The following GRIK2 variants were observed in gnomAD, a reference collection of about 807,000 sequenced individuals.
The protein encoded by GRIK2 is glutamate receptor ionotropic, kainate 2.
A neutral mutation model predicts 100.3 loss-of-function variants in GRIK2; 32 were observed. That is an observed-to-expected ratio of 0.32 (90% CI 0.24 to 0.43). The LOEUF (loss-of-function observed/expected upper bound fraction) is 0.43. Ranked by LOEUF, GRIK2 falls within the 20% of genes least tolerant of loss-of-function variation. The probability of loss-of-function intolerance (pLI) is 1.00; values close to 1 mark genes in which losing one functional copy is unlikely to be tolerated. For synonymous variants in GRIK2, 417 were observed against 389.4 expected (o/e 1.07, Z -0.83); for missense variants, 843 against 1,114.9 (o/e 0.76, Z 3.47).
At chr6:101,510,779 C>T (rs1441195408) in intron 2 of GRIK2, among the ~76,000 whole-genome samples, 2 of 151,822 alleles carry the variant, frequency 1.3e-5, no homozygotes, top group African/African-American at 4.8e-5. Flanking sequence ...GCCTCAGCCT[C>T]CCAAAGTGCT....
chr6:101,760,845 G>T (rs1037497597), intron 7 of GRIK2, among the ~76,000 whole-genome samples: 3 of 148,832 alleles, frequency 2.0e-5, no homozygotes, highest in Non-Finnish European at 3.0e-5. Flanking sequence ...TACAATCTAT[G>T]AAAAGTTAAC....
intron 2 of GRIK2, among the ~76,000 whole-genome samples, chr6:101,399,691 C>T (rs1454969421): frequency 6.6e-6 from 1 of 152,210 alleles, no homozygotes; most frequent in Non-Finnish European, 1.5e-5. Flanking sequence ...AGCCGCCACT[C>T]CCGCCTGTCT....
chr6:102,022,215 CTG>C (rs1301419789), intron 14 of GRIK2, among the ~76,000 whole-genome samples: 1 of 150,440 alleles, frequency 6.6e-6, no homozygotes, highest in East Asian at 2.0e-4. Flanking sequence ...ATACATATAA[CTG>C]TGTAGTATTT....
chr6:101,904,485 T>A (rs1242156709), intron 12 of GRIK2, among the ~76,000 whole-genome samples: 1 of 151,498 alleles, frequency 6.6e-6, no homozygotes, highest in Non-Finnish European at 1.5e-5. Context: ...AGTCATTTAA[T>A]TTTTTAAAAA....
chr6:102,065,321 A>G (rs574006726), intron 16 of GRIK2, among the ~76,000 whole-genome samples: 1 of 151,248 alleles, frequency 6.6e-6, no homozygotes, highest in Non-Finnish European at 1.5e-5. Flanking sequence ...TTCAATTTAC[A>G]TTATCTATTA....
intron 10 of GRIK2, among the ~76,000 whole-genome samples, chr6:101,853,795 A>C (rs1285969275): frequency 1.3e-5 from 2 of 152,210 alleles, no homozygotes; most frequent in East Asian, 3.9e-4. Flanking sequence ...AAATACATGG[A>C]GGAAACTTAA....
At chr6:101,965,149 A>G (rs1792576772) in intron 14 of GRIK2, among the ~76,000 whole-genome samples, 1 of 152,138 alleles carries the variant, frequency 6.6e-6, no homozygotes, top group Non-Finnish European at 1.5e-5. Context: ...TGTATTCAAA[A>G]TGAACACCAA....
At chr6:101,565,879 T>C (rs548533137) in intron 2 of GRIK2, among the ~76,000 whole-genome samples, 2 of 147,244 alleles carry the variant, frequency 1.4e-5, no homozygotes, top group East Asian at 2.0e-4. Context: ...ATGTTACCAA[T>C]ATAATTCTGC....
At chr6:101,960,392 T>C in intron 14 of GRIK2, among the ~76,000 whole-genome samples, 1 of 152,126 alleles carries the variant, frequency 6.6e-6, no homozygotes, top group Non-Finnish European at 1.5e-5. Flanking sequence ...TTTGGAGGGG[T>C]TAAAGCACTC....
intron 14 of GRIK2, among the ~76,000 whole-genome samples, chr6:102,011,477 A>G (rs1307548821): frequency 1.3e-5 from 2 of 148,484 alleles, no homozygotes; most frequent in East Asian, 2.0e-4. Context: ...CCAGTCTGTC[A>G]TGTCTTCTCA....
intron 7 of GRIK2, among the ~76,000 whole-genome samples, chr6:101,690,514 C>G (rs967819133): frequency 6.6e-6 from 1 of 152,084 alleles, no homozygotes; most frequent in Non-Finnish European, 1.5e-5. Context: ...TCCTAATAAT[C>G]CCCTCACTGA....
intron 2 of GRIK2, among the ~76,000 whole-genome samples, chr6:101,574,764 T>A (rs772243729): frequency 6.6e-6 from 1 of 151,834 alleles, no homozygotes; most frequent in African/African-American, 2.4e-5. Context: ...AAGGCTAAAT[T>A]TAAGATTTAA....
At chr6:101,816,219 T>C (rs2852574) in intron 9 of GRIK2, among the ~76,000 whole-genome samples, 41,195 of 151,836 alleles carry the variant, frequency 0.27, 7,504 homozygotes, top group East Asian at 0.67. Flanking sequence ...TCTGAAAATC[T>C]TAGCTATTTT....
At chr6:101,956,319 T>C (rs1363212841) in intron 14 of GRIK2, among the ~76,000 whole-genome samples, 8 of 152,166 alleles carry the variant, frequency 5.3e-5, no homozygotes, top group Non-Finnish European at 8.8e-5. Context: ...ATTAATTTTA[T>C]ATCTATTTGG....
At chr6:101,789,332 G>T (rs1045930849) in intron 7 of GRIK2, among the ~76,000 whole-genome samples, 7 of 152,150 alleles carry the variant, frequency 4.6e-5, no homozygotes, top group Non-Finnish European at 7.3e-5. Flanking sequence ...GGTTTTTATG[G>T]TTTCAGGTCT....
intron 12 of GRIK2, among the ~76,000 whole-genome samples, chr6:101,903,150 G>T (rs1787992839): frequency 6.6e-6 from 1 of 151,868 alleles, no homozygotes; most frequent in South Asian, 2.1e-4. Flanking sequence ...GAAAGGAGAT[G>T]CTTCCTCTCT....
Position 102,068,726 on chromosome 6 carries a change from T to C in GRIK2, c.*215T>C, listed in dbSNP as rs1462382162. On this transcript the variant is annotated 3_prime_UTR_variant, in exon 17 of 17. Coordinates refer to ENST00000369134, the MANE Select transcript of GRIK2 (RefSeq NM_021956.5). ...TCAACCAAGTTACACGGGGTTACAC[T>C]GTTAATCATGGGTTCCTCCCTTCTT... 4.7e-6 allele frequency: 2 copies of C among 429,826 alleles called. No individual in the cohort carries two copies. The highest frequency in any genetic ancestry group is 8.4e-6 in the Non-Finnish European group (2 of 239,396). 26.6% of individuals were successfully genotyped at this position (429,826 alleles called of 1,614,324 possible). A position where few individuals can be genotyped will look rare whatever the true frequency, so the allele number is the denominator to read the frequency against.
intron 12 of GRIK2, among the ~76,000 whole-genome samples, chr6:101,904,552 C>CA: frequency 6.6e-6 from 1 of 151,408 alleles, no homozygotes; most frequent in East Asian, 1.9e-4. Context: ...GTCAGAAATT[C>CA]AAGTTTTGTT....
At chr6:101,695,693 C>T (rs541538614) in intron 7 of GRIK2, among the ~76,000 whole-genome samples, 34 of 152,058 alleles carry the variant, frequency 2.2e-4, no homozygotes, top group African/African-American at 8.2e-4. Flanking sequence ...TGTTTATAAA[C>T]CCATCATAAG....
Sources: allele counts gnomAD v4.1 joint callset (sites outside exome capture counted in the v4.1 genomes callset), GRCh38; gene constraint gnomAD v4.1.1; transcripts MANE v1.5; gene names NCBI Gene and HGNC (gene_info 2026-07-23, HGNC 2026-07-21).